The following PHF24 variants were observed in gnomAD, a reference collection of about 807,000 sequenced individuals.
PHF24 encodes PHD finger protein 24.
PHF24 carries 25 observed loss-of-function variants against 42.6 expected under a neutral mutation model. The ratio of observed to expected loss-of-function variants is 0.59; its 90% CI spans 0.43 to 0.82. PHF24 has a LOEUF of 0.82. Ranked by LOEUF, PHF24 falls within the 40% of genes least tolerant of loss-of-function variation. The pLI is 0.00. For missense variants in PHF24, 470 were observed against 538.1 expected (o/e 0.87, Z 1.25); for synonymous variants, 185 against 204.8 (o/e 0.90, Z 0.83).
chr9:34,917,152 C>G, the PHF24 span: 9 of 1,192,866 alleles, frequency 7.5e-6, no homozygotes, highest in East Asian at 2.1e-4. Context: ...CCCGTCTGCT[C>G]GGCACCCAGA....
chr9:34,918,046 A>G, the PHF24 span: 2 of 1,323,538 alleles, frequency 1.5e-6, no homozygotes, highest in Non-Finnish European at 2.2e-6. Context: ...TGTGATCCCA[A>G]AGGAGGCCTG....
exon 8 of PHF24, chr9:34,982,335 C>G (rs1827423695): frequency 6.6e-6 from 1 of 152,186 alleles, no homozygotes; most frequent in Admixed American, 6.5e-5. Flanking sequence ...CTTGGGAATC[C>G]AATGCGCTCT....
the PHF24 span, chr9:34,709,515 G>T: frequency 6.2e-7 from 1 of 1,614,060 alleles, no homozygotes; most frequent in Non-Finnish European, 8.5e-7. Context: ...GCAGCCTTTG[G>T]AGCCCTTTCC....
the PHF24 span, among the ~76,000 whole-genome samples, chr9:34,937,208 G>T: frequency 6.6e-6 from 1 of 152,210 alleles, no homozygotes; most frequent in Non-Finnish European, 1.5e-5. Context: ...GGAATAGAAA[G>T]GGGGAAAGGT....
chr9:34,978,178 C>T, exon 8 of PHF24: 2 of 1,241,172 alleles, frequency 1.6e-6, no homozygotes, highest in Non-Finnish European at 2.4e-6. Context: ...CTCCCTTCCC[C>T]CACCAACCTC....
At chr9:34,688,843 C>A in the PHF24 span, among the ~76,000 whole-genome samples, 1 of 152,234 alleles carries the variant, frequency 6.6e-6, no homozygotes, top group African/African-American at 2.4e-5. Context: ...TTGTGCCAAG[C>A]AGCATGCTGG....
At chr9:34,926,781 G>C in the PHF24 span, among the ~76,000 whole-genome samples, 9 of 152,104 alleles carry the variant, frequency 5.9e-5, no homozygotes, top group Non-Finnish European at 1.3e-4. This position sits in a 1 kb window ranked among gnomAD's most constrained non-coding sequence, Gnocchi z 4.3. Context: ...CCACAGGGCT[G>C]TTTCTTAGGC....
chr9:34,780,931 C>G, the PHF24 span, among the ~76,000 whole-genome samples: 1 of 152,156 alleles, frequency 6.6e-6, no homozygotes, highest in Non-Finnish European at 1.5e-5. Context: ...CAATGAGATA[C>G]CACTATCACA....
chr9:34,820,887 C>T, the PHF24 span, among the ~76,000 whole-genome samples: 2 of 152,166 alleles, frequency 1.3e-5, no homozygotes, highest in African/African-American at 4.8e-5. Flanking sequence ...CACAATCTTG[C>T]AGCATCTGTT....
the PHF24 span, among the ~76,000 whole-genome samples, chr9:34,881,670 G>A: frequency 6.6e-6 from 1 of 152,102 alleles, no homozygotes; most frequent in Non-Finnish European, 1.5e-5. Context: ...GGAAGAAGTT[G>A]AATCTCTGAA....
the PHF24 span, among the ~76,000 whole-genome samples, chr9:34,823,901 A>G: frequency 6.6e-6 from 1 of 152,138 alleles, no homozygotes; most frequent in Non-Finnish European, 1.5e-5. Context: ...AGGTGAGAGG[A>G]ACTGTGCTTA....
the PHF24 span, among the ~76,000 whole-genome samples, chr9:34,847,143 A>T: frequency 6.6e-6 from 1 of 152,210 alleles, no homozygotes. Flanking sequence ...GAAGAAAGTC[A>T]TTGGTAGCTT....
exon 8 of PHF24, chr9:34,982,346 G>A (rs3088305): frequency 0.51 from 77,874 of 152,128 alleles, 20,662 homozygotes; most frequent in East Asian, 0.92. Context: ...AATGCGCTCT[G>A]GTCCCTCATG....
At chr9:34,849,483 G>A in the PHF24 span, among the ~76,000 whole-genome samples, 6 of 151,472 alleles carry the variant, frequency 4.0e-5, no homozygotes, top group Non-Finnish European at 7.4e-5. Context: ...TTTATTTTGA[G>A]CCTATGTGTG....
At chr9:34,894,288 G>T in the PHF24 span, among the ~76,000 whole-genome samples, 1 of 152,146 alleles carries the variant, frequency 6.6e-6, no homozygotes, top group East Asian at 1.9e-4. Flanking sequence ...CAGCCCCCCT[G>T]CCCTGGTAAC....
At position 34,971,246 on chromosome 9, in the gene PHF24, C is replaced by T. The variant is rs1231574632; in HGVS notation, c.-4-49C>T. ...CTTAGGTTGAAACTGATTAGCCTGA[C>T]ATCCTCAGCCATTGGCTGAACCTGT... On this transcript the variant is annotated intron_variant, in intron 1 of 7. Coordinates refer to ENST00000242315, the Ensembl canonical transcript of PHF24. 2.6e-6 allele frequency: 4 copies of T among 1,538,190 alleles called. No homozygotes were observed. In the East Asian group the frequency reaches 6.8e-5, roughly 26 times the overall value.
the PHF24 span, among the ~76,000 whole-genome samples, chr9:34,852,802 G>A: frequency 6.6e-6 from 1 of 152,150 alleles, no homozygotes; most frequent in Non-Finnish European, 1.5e-5. Context: ...CTGTACATGT[G>A]TATTTTTTGA....
chr9:34,952,239 G>C, the PHF24 span, among the ~76,000 whole-genome samples: 1 of 152,044 alleles, frequency 6.6e-6, no homozygotes, highest in Non-Finnish European at 1.5e-5. Flanking sequence ...GGATACAAGG[G>C]CAAAACAAAA....
the PHF24 span, among the ~76,000 whole-genome samples, chr9:34,865,104 G>T: frequency 6.8e-6 from 1 of 147,498 alleles, no homozygotes; most frequent in Non-Finnish European, 1.5e-5. Context: ...ACTTGAACCC[G>T]GGAGGCAGAG....
Sources: gnomAD v4.1 joint callset for allele counts (sites outside exome capture counted in the v4.1 genomes callset) on GRCh38, gnomAD v4.1.1 for gene constraint, Gnocchi (gnomAD v3.1) non-coding constraint, MANE v1.5 for transcripts, NCBI Gene and HGNC (gene_info 2026-07-23, HGNC 2026-07-21) for gene names.